The following ZC3H11A variants were observed in gnomAD, a reference collection of about 807,000 sequenced individuals.
The protein encoded by ZC3H11A is zinc finger CCCH domain-containing protein 11A.
Under a neutral mutation model 90.8 loss-of-function variants are expected in ZC3H11A, and 22 were observed. The observed-to-expected ratio is 0.24, with a 90% CI of 0.17 to 0.35. ZC3H11A has a LOEUF of 0.35. ZC3H11A is among the 10% of genes least tolerant of loss of function. ZC3H11A has a pLI of 1.00. For synonymous variants in ZC3H11A, 294 were observed against 339.8 expected (o/e 0.87, Z 1.48); for missense variants, 701 against 964.9 (o/e 0.73, Z 3.62).
chr1:203,806,020 T>C (rs1672206241), intron 2 of ZC3H11A: 1 of 548,170 alleles, frequency 1.8e-6, no homozygotes, highest in Non-Finnish European at 3.5e-6. Flanking sequence ...GAATGACTCT[T>C]GGGTGCGATT....
intron 2 of ZC3H11A, among the ~76,000 whole-genome samples, chr1:203,811,660 T>C (rs1674526151): frequency 6.6e-6 from 1 of 152,124 alleles, no homozygotes; most frequent in Non-Finnish European, 1.5e-5. Context: ...AGTTGTGGGC[T>C]ACCACGCCTG....
intron 4 of ZC3H11A, among the ~76,000 whole-genome samples, chr1:203,822,492 G>A (rs1679110562): frequency 6.6e-6 from 1 of 152,002 alleles, no homozygotes; most frequent in Non-Finnish European, 1.5e-5. Flanking sequence ...ACTTTGTGCT[G>A]AGCGGCCCTC....
intron 4 of ZC3H11A, among the ~76,000 whole-genome samples, chr1:203,819,896 C>G (rs919780590): frequency 1.1e-4 from 16 of 151,676 alleles, no homozygotes; most frequent in African/African-American, 3.9e-4. Flanking sequence ...ATCCTTTGAT[C>G]TCACTCAAAT....
At chr1:203,833,920 A>G in intron 10 of ZC3H11A, 67 bp downstream of exon 10, 3 of 1,548,246 alleles carry the variant, frequency 1.9e-6, no homozygotes, top group East Asian at 4.6e-5. Flanking sequence ...TAGCTTCTCC[A>G]AACTCTTTTT....
At chr1:203,838,137 G>A (rs952284842) in intron 11 of ZC3H11A, 73 bp downstream of exon 11, 14 of 1,391,498 alleles carry the variant, frequency 1.0e-5, no homozygotes, top group Non-Finnish European at 1.4e-5. Flanking sequence ...TAACAGCTAT[G>A]GTTTTTCATT....
rs969615725 is a variant in ZC3H11A, at chr1:203,837,382, T to A, written c.875-584T>A. ...TCAACCAGGGTTTATGACCTTTCAT[T>A]TGTAGGTTTGTCAGTTAATTTATTT... On this transcript the variant is annotated intron_variant, in intron 10 of 17. Transcript: ENST00000367210. Among the ~76,000 whole-genome samples, 14 of 152,232 alleles carry A rather than the reference T, an allele frequency of 9.2e-5. No individual in the cohort carries two copies. In the East Asian group the frequency reaches 1.5e-3, roughly 17 times the overall value.
chr1:203,838,701 A>C (rs549919419), intron 11 of ZC3H11A, among the ~76,000 whole-genome samples: 1 of 152,204 alleles, frequency 6.6e-6, no homozygotes, highest in Non-Finnish European at 1.5e-5. Context: ...CTGTAATCCC[A>C]GTACTTTGGG....
chr1:203,800,274 A>G (rs1008931524), intron 1 of ZC3H11A: 16 of 1,026,188 alleles, frequency 1.6e-5, no homozygotes, highest in Non-Finnish European at 2.3e-5. Flanking sequence ...ATCTGAATGT[A>G]TCTTTACTAA....
At chr1:203,831,527 C>A (rs556674589) in intron 8 of ZC3H11A, 134 bp from the exon 9 acceptor site, 3 of 688,108 alleles carry the variant, frequency 4.4e-6, no homozygotes, top group Middle Eastern at 4.0e-4. Flanking sequence ...CAAACAGATA[C>A]AGAAAGGCTG....
chr1:203,817,999 G>A (rs551738408), intron 3 of ZC3H11A, among the ~76,000 whole-genome samples: 6 of 152,004 alleles, frequency 3.9e-5, no homozygotes, highest in East Asian at 1.9e-4. Flanking sequence ...TGCCCGCCTC[G>A]GCCTCCCAAA....
At chr1:203,844,460 C>T (rs1056957997) in intron 12 of ZC3H11A, among the ~76,000 whole-genome samples, 3 of 152,188 alleles carry the variant, frequency 2.0e-5, no homozygotes, top group African/African-American at 7.2e-5. Context: ...TGAGTCACTG[C>T]GCCTGGCCTG....
intron 4 of ZC3H11A, among the ~76,000 whole-genome samples, chr1:203,819,529 ATTTT>A (rs755259647): frequency 1.6e-4 from 12 of 72,882 alleles, no homozygotes; most frequent in Non-Finnish European, 2.4e-4. Context: ...GCTGACTCCA[ATTTT>A]TTTTTTTTTT....
chr1:203,811,531 C>T (rs1674491993), intron 2 of ZC3H11A, among the ~76,000 whole-genome samples: 1 of 152,022 alleles, frequency 6.6e-6, no homozygotes, highest in South Asian at 2.1e-4. Flanking sequence ...TTTCTGGAGG[C>T]AGAATCTTGC....
chr1:203,835,492 A>G (rs1684019417), intron 10 of ZC3H11A: 1 of 156,978 alleles, frequency 6.4e-6, no homozygotes, highest in Non-Finnish European at 1.4e-5. Context: ...AAACAATAAC[A>G]GTTCTAGATT....
At chr1:203,824,401 G>GA (rs1679805518) in intron 4 of ZC3H11A, among the ~76,000 whole-genome samples, 2 of 152,162 alleles carry the variant, frequency 1.3e-5, no homozygotes, top group South Asian at 4.1e-4. Context: ...TCAGGGATGA[G>GA]AAGGAGTCTT....
intron 1 of ZC3H11A, chr1:203,798,833 G>A: frequency 6.5e-7 from 1 of 1,536,152 alleles, no homozygotes; most frequent in East Asian, 2.4e-5. Context: ...AGAGGTTCAT[G>A]CAGATTGTGG....
chr1:203,847,809 T>C (rs1157238178), intron 13 of ZC3H11A, 122 bp downstream of exon 13: 14 of 1,399,174 alleles, frequency 1.0e-5, no homozygotes, highest in Non-Finnish European at 1.2e-5. Context: ...TTGAAAACAC[T>C]GAATTAAATG....
intron 5 of ZC3H11A, 115 bp from the exon 6 acceptor site, chr1:203,829,336 T>G: frequency 9.5e-7 from 1 of 1,047,250 alleles, no homozygotes; most frequent in South Asian, 1.5e-5. Context: ...TGAGGAAATT[T>G]AGTATAAATG....
At chr1:203,827,887 A>G (rs186242924) in intron 4 of ZC3H11A, among the ~76,000 whole-genome samples, 53 of 152,312 alleles carry the variant, frequency 3.5e-4, no homozygotes, top group Non-Finnish European at 7.3e-5. Context: ...TCTTCATAAG[A>G]AACCATTTAT....
Sources: gnomAD v4.1 joint callset for allele counts (sites outside exome capture counted in the v4.1 genomes callset) on GRCh38, gnomAD v4.1.1 for gene constraint, MANE v1.5 for transcripts, NCBI Gene and HGNC (gene_info 2026-07-23, HGNC 2026-07-21) for gene names.